EFNA5: variants seen among roughly 807,000 people sequenced by gnomAD.
EFNA5 encodes ephrin-A5.
Under a neutral mutation model 22.9 loss-of-function variants are expected in EFNA5, and 5 were observed. That is an observed-to-expected ratio of 0.22 (90% CI 0.11 to 0.46). The LOEUF (loss-of-function observed/expected upper bound fraction) is 0.46, where lower values mean the gene tolerates loss of function less well. Ranked by LOEUF, EFNA5 falls within the 20% of genes least tolerant of loss-of-function variation. EFNA5 has a pLI of 0.99. For missense variants in EFNA5, 237 were observed against 293.3 expected, an observed-to-expected ratio of 0.81 and a Z score of 1.40; for synonymous variants, 113 against 112.2, an observed-to-expected ratio of 1.01 and a Z score of -0.04.
Position 107,670,635 on chromosome 5 carries a change from C to G in EFNA5, c.-22G>C, listed in dbSNP as rs762070982. 5 of 1,595,734 alleles carry G rather than the reference C, an allele frequency of 3.1e-6. No individual in the cohort carries two copies. The highest frequency in any genetic ancestry group is 2.7e-5 in the African/African-American group (2 of 74,088). On this transcript the variant is annotated 5_prime_UTR_variant, in exon 1 of 5. Transcript: ENST00000333274. ...ACATCACGCCTGGCCAGCGGCGGAG[C>G]CCCCGACGCGCCACTCCGGGGAGAG...
In EFNA5 at chr5:107,380,648, T is replaced by C. The variant is rs187676091; in HGVS notation, c.*607A>G. 115 of 393,086 alleles carry C rather than the reference T, an allele frequency of 2.9e-4. No homozygotes were observed. In the East Asian group the frequency reaches 3.9e-3, roughly 13 times the overall value. The allele number at this position is 393,086 out of a possible 1,614,324, so 24.3% of individuals were successfully genotyped here. On this transcript the variant is annotated 3_prime_UTR_variant, in exon 5 of 5. Transcript: ENST00000333274. The stretch of plus-strand genomic sequence containing the variant: ...TCAAGAATGCTTTAAGACAGTCATA[T>C]TAAAAAAAAAAACCAGTGTCTCAAC...
At chr5:107,427,147 A>T in intron 2 of EFNA5, 70 bp downstream of exon 2, 4 of 1,557,734 alleles carry the variant, frequency 2.6e-6, no homozygotes, top group Non-Finnish European at 3.5e-6. Context: ...CAATTCTCTG[A>T]AACATGGGTA....
At chr5:107,463,033 A>G (rs1002354576) in intron 1 of EFNA5, among the ~76,000 whole-genome samples, 1 of 152,112 alleles carries the variant, frequency 6.6e-6, no homozygotes, top group African/African-American at 2.4e-5. Flanking sequence ...TCCAGGGTTC[A>G]GTTTCCTCAT....
intron 1 of EFNA5, among the ~76,000 whole-genome samples, chr5:107,449,328 C>G (rs1749486467): frequency 6.6e-6 from 1 of 150,496 alleles, no homozygotes; most frequent in Admixed American, 6.7e-5. Flanking sequence ...TGTCTAGTGA[C>G]TGGTATGGAA....
chr5:107,442,881 G>T (rs1580454451), intron 1 of EFNA5, among the ~76,000 whole-genome samples: 1 of 99,406 alleles, frequency 1.0e-5, no homozygotes, highest in East Asian at 3.2e-4. Context: ...TTCCCCCCAA[G>T]ACAGAATTTC....
chr5:107,420,024 T>C (rs1019020425), intron 2 of EFNA5, among the ~76,000 whole-genome samples: 7 of 152,050 alleles, frequency 4.6e-5, no homozygotes, highest in Non-Finnish European at 8.8e-5. Context: ...TCTATTTCAA[T>C]AAGAAAAACT....
chr5:107,567,756 T>A lies in EFNA5; in HGVS notation c.125+102733A>T, dbSNP rs559026859. On this transcript the variant is annotated intron_variant, in intron 1 of 4. Coordinates refer to ENST00000333274, the MANE Select transcript of EFNA5 (RefSeq NM_001962.3). ...CAGATAGGGAAAACCTAGGTGGAGG[T>A]CTATATGCATTTCTAGGATATGCCA... 4.6e-5 allele frequency among the ~76,000 whole-genome samples: 7 copies of A among 152,132 alleles called. 1 individual carries two copies. The South Asian group carries it at 1.5e-3, about 32-fold the overall frequency.
intron 1 of EFNA5, among the ~76,000 whole-genome samples, chr5:107,501,229 C>T (rs141803236): frequency 1.4e-3 from 216 of 152,276 alleles, no homozygotes; most frequent in Middle Eastern, 0.01. Flanking sequence ...ATTGACTCAA[C>T]TATATGATTT....
At chr5:107,553,405 G>A (rs1472346183) in intron 1 of EFNA5, among the ~76,000 whole-genome samples, 1 of 152,198 alleles carries the variant, frequency 6.6e-6, no homozygotes, top group East Asian at 1.9e-4. Context: ...ACCATCCACT[G>A]CTTTCAAAGC....
At chr5:107,653,061 A>ATCC (rs2112554202) in intron 1 of EFNA5, among the ~76,000 whole-genome samples, 1 of 152,218 alleles carries the variant, frequency 6.6e-6, no homozygotes, top group Non-Finnish European at 1.5e-5. Context: ...GAAAGAGGGA[A>ATCC]GGCTGACAGA....
At chr5:107,502,651 C>T (rs183154795) in intron 1 of EFNA5, among the ~76,000 whole-genome samples, 47 of 152,202 alleles carry the variant, frequency 3.1e-4, no homozygotes, top group African/African-American at 1.1e-3. Context: ...AGAACGTGGC[C>T]GTGCTCGAAG....
At chr5:107,509,217 A>T (rs1434061227) in intron 1 of EFNA5, among the ~76,000 whole-genome samples, 4 of 152,204 alleles carry the variant, frequency 2.6e-5, no homozygotes, top group African/African-American at 9.6e-5. Flanking sequence ...AGATGTCTTT[A>T]GATACCCTTT....
chr5:107,491,767 T>C (rs1357961994), intron 1 of EFNA5, among the ~76,000 whole-genome samples: 4 of 152,234 alleles, frequency 2.6e-5, no homozygotes, highest in South Asian at 4.1e-4. Context: ...TTTTTCACTG[T>C]ATACCCTTTT....
At chr5:107,549,454 T>C (rs1172931098) in intron 1 of EFNA5, among the ~76,000 whole-genome samples, 1 of 152,240 alleles carries the variant, frequency 6.6e-6, no homozygotes, top group African/African-American at 2.4e-5. Context: ...ACCATACTCA[T>C]ATTGTTAATA....
At chr5:107,613,192 A>G (rs758256603) in intron 1 of EFNA5, among the ~76,000 whole-genome samples, 3 of 152,122 alleles carry the variant, frequency 2.0e-5, no homozygotes, top group Admixed American at 2.0e-4. Flanking sequence ...CACTAAGTTT[A>G]TTTGCTAGTT....
intron 1 of EFNA5, among the ~76,000 whole-genome samples, chr5:107,531,590 T>C (rs1159989271): frequency 6.6e-6 from 1 of 152,122 alleles, no homozygotes; most frequent in Non-Finnish European, 1.5e-5. Flanking sequence ...AATTAGCCCT[T>C]GACTACTGGT....
At chr5:107,480,449 T>A (rs1750427717) in intron 1 of EFNA5, among the ~76,000 whole-genome samples, 2 of 152,150 alleles carry the variant, frequency 1.3e-5, no homozygotes. Context: ...AACTATAATA[T>A]CTGGTAGAGT....
chr5:107,435,279 G>A (rs1287646866), intron 1 of EFNA5, among the ~76,000 whole-genome samples: 2 of 147,148 alleles, frequency 1.4e-5, no homozygotes, highest in Non-Finnish European at 3.0e-5. Flanking sequence ...CAGAATGCAA[G>A]CCTTATGGCT....
intron 2 of EFNA5, among the ~76,000 whole-genome samples, chr5:107,410,669 G>GA (rs956370369): frequency 6.6e-6 from 1 of 151,694 alleles, no homozygotes; most frequent in South Asian, 2.1e-4. Flanking sequence ...AGTTTTTCAG[G>GA]AAAAAAAATA....
Sources: gnomAD v4.1 joint callset for allele counts (sites outside exome capture counted in the v4.1 genomes callset) on GRCh38, gnomAD v4.1.1 for gene constraint, MANE v1.5 for transcripts, NCBI Gene and HGNC (gene_info 2026-07-23, HGNC 2026-07-21) for gene names.